Variants in CACNA1I observed in about 807,000 individuals in gnomAD.
The protein encoded by CACNA1I is voltage-dependent T-type calcium channel subunit alpha-1I.
In CACNA1I, 74 loss-of-function variants were observed where a neutral mutation model predicts 201.6. The observed-to-expected ratio is 0.37, with a 90% CI of 0.30 to 0.45. CACNA1I has a LOEUF of 0.45. CACNA1I is among the 20% of genes least tolerant of loss of function. CACNA1I has a pLI of 1.00. For synonymous variants in CACNA1I, 1,431 were observed against 1,345.2 expected (o/e 1.06, Z -1.40); for missense variants, 2,346 against 3,138.1 (o/e 0.75, Z 6.03).
rs540860704 is a variant in CACNA1I, at chr22:39,672,878, C to G, written c.4650-71C>G. 32 of 1,508,004 alleles carry G rather than the reference C, an allele frequency of 2.1e-5. No homozygotes were observed. In the Middle Eastern group the frequency reaches 7.1e-4, roughly 33 times the overall value. The allele number at this position is 1,508,004 out of a possible 1,614,324, so 93.4% of individuals were successfully genotyped here. A position where few individuals can be genotyped will look rare whatever the true frequency, so the allele number is the denominator to read the frequency against. On this transcript the variant is annotated intron_variant, in intron 27 of 36. Transcript: ENST00000402142. Reference sequence around the variant, plus strand: ...GGGTCAGGACCTGGGAGGCTCCCCCCACTAAGGTGTGTCTGAACCAGAGGG... The same window carrying G: ...GGGTCAGGACCTGGGAGGCTCCCCCGACTAAGGTGTGTCTGAACCAGAGGG...
At position 39,687,730 on chromosome 22, in the gene CACNA1I, GTTTGA is replaced by G; in HGVS notation, c.*1331_*1335del. ...TCCCAAACGGGTTCTAGACTTGGGT[GTTTGA>G]TTTGAAGAGTTACGCATTTATTTCA... On this transcript the variant is annotated 3_prime_UTR_variant, in exon 37 of 37. Coordinates refer to ENST00000402142, the MANE Select transcript of CACNA1I (RefSeq NM_021096.4). The G allele has an allele frequency of 6.6e-6, 1 of 152,334 alleles. No homozygotes were observed. Among genetic ancestry groups the G allele is most frequent in the East Asian group, 1.9e-4 (1 of 5,182 alleles). 9.4% of individuals were successfully genotyped at this position (152,334 alleles called of 1,614,324 possible). A position where few individuals can be genotyped will look rare whatever the true frequency, so the allele number is the denominator to read the frequency against.
chr22:39,580,897 A>T (rs1158659434), intron 1 of CACNA1I, among the ~76,000 whole-genome samples: 2 of 152,204 alleles, frequency 1.3e-5, no homozygotes, highest in Non-Finnish European at 2.9e-5. Flanking sequence ...GAGCCCAGCT[A>T]TGTGTTGGAC....
intron 7 of CACNA1I, among the ~76,000 whole-genome samples, chr22:39,643,199 C>T (rs1934393018): frequency 6.6e-6 from 1 of 152,206 alleles, no homozygotes; most frequent in Non-Finnish European, 1.5e-5. Flanking sequence ...CTTTGCATGA[C>T]CTGAGTCCAA....
chr22:39,575,629 C>T (rs1932318557), intron 1 of CACNA1I, among the ~76,000 whole-genome samples: 1 of 93,132 alleles, frequency 1.1e-5, no homozygotes, highest in Non-Finnish European at 2.1e-5. Context: ...TGCTAGTGGC[C>T]ATGCCCCCCA....
intron 3 of CACNA1I, among the ~76,000 whole-genome samples, chr22:39,617,288 C>T (rs1933567624): frequency 6.6e-6 from 1 of 152,164 alleles, no homozygotes; most frequent in Non-Finnish European, 1.5e-5. Context: ...CCTCTGGGCT[C>T]TGGGAAGGCA....
chr22:39,679,397 G>T lies in CACNA1I; in HGVS notation c.5346G>T (p.Gly1782=). 1 of 1,464,856 alleles carries T rather than the reference G, an allele frequency of 6.8e-7. No individual in the cohort carries two copies. The highest frequency in any genetic ancestry group is 8.9e-7 in the Non-Finnish European group (1 of 1,119,592). The allele number at this position is 1,464,856 out of a possible 1,614,324, so 90.7% of individuals were successfully genotyped here. A position where few individuals can be genotyped will look rare whatever the true frequency, so the allele number is the denominator to read the frequency against. Residue 1782 remains glycine (G), a synonymous_variant, in exon 32 of 37, where the codon GGG becomes GGT. Transcript: ENST00000402142. ...PGRGPGGAGG[G]GDTEGGLCRR... ...GAGGGCCGGGAGGGGCGGGCGGCGG[G>T]GGCGACACCGAGGGCGGCTTGTGCC...
rs1438319893 is a variant in CACNA1I at position 39,677,696 on chromosome 22, C to A, written c.4933+277C>A. Among the ~76,000 whole-genome samples the A allele has an allele frequency of 1.3e-5, 2 of 152,214 alleles. No homozygotes were observed. The highest frequency in any genetic ancestry group is 4.8e-5 in the African/African-American group (2 of 41,466). ...AGCGCTCGCTGAGCTCCGCCCTGCA[C>A]CGGGATGGCTCCAGAAAGCAGGGTT... is the stretch of plus-strand genomic sequence containing the variant. On this transcript the variant is annotated intron_variant, in intron 30 of 36. Coordinates refer to ENST00000402142, the MANE Select transcript of CACNA1I (RefSeq NM_021096.4). This position sits in a 1 kb window ranked among gnomAD's most constrained non-coding sequence, Gnocchi z 4.8.
chr22:39,637,248 C>T (rs999960125), intron 5 of CACNA1I, among the ~76,000 whole-genome samples: 6 of 152,144 alleles, frequency 3.9e-5, no homozygotes, highest in Admixed American at 1.3e-4. Flanking sequence ...AAGCCCAGAG[C>T]GGGTACAAGA....
chr22:39,659,907 C>T lies in CACNA1I; in HGVS notation c.2604+55C>T, dbSNP rs1424488386. On this transcript the variant is annotated intron_variant, in intron 14 of 36. Coordinates refer to ENST00000402142, the MANE Select transcript of CACNA1I (RefSeq NM_021096.4). The surrounding 1 kb of genome is among the most constrained non-coding windows in gnomAD (Gnocchi z 4.3). ...CCCACAGGGTCTGCGAAAGACTGGG[C>T]GAGGGAGAGGTGGCCTGGATGGGGG... 3.7e-6 allele frequency: 6 copies of T among 1,603,274 alleles called. No individual in the cohort carries two copies. Among genetic ancestry groups the T allele is most frequent in the Non-Finnish European group, 3.4e-6 (4 of 1,171,454 alleles).
At position 39,659,235 on chromosome 22, in the gene CACNA1I, C is replaced by T; in HGVS notation, c.2330+119C>T. The T allele has an allele frequency of 7.9e-7, 1 of 1,263,812 alleles. No individual in the cohort carries two copies. The highest frequency in any genetic ancestry group is 2.5e-5 in the East Asian group (1 of 39,994). 78.3% of individuals were successfully genotyped at this position (1,263,812 alleles called of 1,614,324 possible). ...AGCCACCTGGACCTGGGTGTGAAGC[C>T]TGACACTGTTCCTCAGTCCCCTGTG... is the stretch of plus-strand genomic sequence containing the variant. On this transcript the variant is annotated intron_variant, in intron 12 of 36. Coordinates refer to ENST00000402142, the MANE Select transcript of CACNA1I (RefSeq NM_021096.4). The surrounding 1 kb of genome is among the most constrained non-coding windows in gnomAD (Gnocchi z 4.3).
rs1377758585 is a variant in CACNA1I, at chr22:39,685,926, C to T, written c.6193C>T (p.Arg2065Cys). 6.9e-6 allele frequency: 9 copies of T among 1,312,678 alleles called. No individual in the cohort carries two copies. Among genetic ancestry groups the T allele is most frequent in the African/African-American group, 6.2e-5 (4 of 64,404 alleles). The allele number at this position is 1,312,678 out of a possible 1,614,324, so 81.3% of individuals were successfully genotyped here. A position where few individuals can be genotyped will look rare whatever the true frequency, so the allele number is the denominator to read the frequency against. The change falls in exon 37 of 37, where the codon CGC becomes TGC. Residue 2065 changes from arginine to cysteine, a missense_variant. Arg to Cys is a radical substitution (Grantham distance 180). Transcript: ENST00000402142. The surrounding 1 kb of genome is among the most constrained non-coding windows in gnomAD (Gnocchi z 5.0). The stretch of plus-strand genomic sequence containing the variant: ...GGCCGGCCTGTCCCCCGCCGCTCGC[C>T]GCCGCCTGAGCCTGCGCGGCCGGGG... ...PRAGLSPAAR[R>C]RLSLRGRGLF...
At chr22:39,637,911 T>G in intron 5 of CACNA1I, among the ~76,000 whole-genome samples, 1 of 152,150 alleles carries the variant, frequency 6.6e-6, no homozygotes, top group East Asian at 1.9e-4. Flanking sequence ...CAAATCTAGC[T>G]TTGTGTATGG....
intron 4 of CACNA1I, among the ~76,000 whole-genome samples, chr22:39,634,341 G>T (rs916614007): frequency 5.9e-5 from 9 of 152,196 alleles, no homozygotes; most frequent in Non-Finnish European, 1.5e-5. Context: ...ACAATCTAGT[G>T]TAAGTGGAGC....
At chr22:39,661,347 T>C (rs1318465568) in intron 16 of CACNA1I, 37 bp downstream of exon 16, 1 of 1,464,294 alleles carries the variant, frequency 6.8e-7, no homozygotes, top group Middle Eastern at 2.2e-4. Context: ...GGGCGCTTCC[T>C]GCTGGGGTGT....
In CACNA1I at chr22:39,666,028, C is replaced by G; in HGVS notation, c.4104+22C>G. 1 of 1,608,762 alleles carries G rather than the reference C, an allele frequency of 6.2e-7. No homozygotes were observed. Among genetic ancestry groups the G allele is most frequent in the Non-Finnish European group, 8.5e-7 (1 of 1,177,146 alleles). ...CCAGGTGAGCACCACCGTCCTAGCC[C>G]TGATCAGACCCTCCCCTCTCTTGGA... is the stretch of plus-strand genomic sequence containing the variant. On this transcript the variant is annotated intron_variant, in intron 23 of 36. Transcript: ENST00000402142. This position sits in a 1 kb window ranked among gnomAD's most constrained non-coding sequence, Gnocchi z 4.1.
intron 4 of CACNA1I, among the ~76,000 whole-genome samples, chr22:39,622,375 G>A (rs1933770452): frequency 1.3e-5 from 2 of 151,770 alleles, no homozygotes; most frequent in Non-Finnish European, 1.5e-5. Flanking sequence ...TTGAGTAGGT[G>A]GAGGGGGAGG....
intron 1 of CACNA1I, among the ~76,000 whole-genome samples, chr22:39,582,479 A>C (rs1436812767): frequency 3.3e-5 from 5 of 152,092 alleles, no homozygotes; most frequent in African/African-American, 1.2e-4. Context: ...AGCCCCAGTG[A>C]CAAAGAATTA....
chr22:39,668,281 A>G lies in CACNA1I; in HGVS notation c.4105-11A>G. 1.3e-6 allele frequency: 2 copies of G among 1,595,772 alleles called. No homozygotes were observed. Among genetic ancestry groups the G allele is most frequent in the Non-Finnish European group, 1.7e-6 (2 of 1,163,508 alleles). On this transcript the variant is annotated splice_polypyrimidine_tract_variant and intron_variant, in intron 23 of 36. Transcript: ENST00000402142. ...CCTCACCCCTGCATTCCGCCTCCCC[A>G]TGTCTCCCAGGCTCTGATGTCCCTC...
chr22:39,680,875 C>G, intron 33 of CACNA1I, 55 bp from the exon 34 acceptor site: 2 of 1,569,226 alleles, frequency 1.3e-6, no homozygotes, highest in Non-Finnish European at 1.7e-6. Flanking sequence ...GCCCCAGGAC[C>G]CAGGTCTGCC....
Sources: gnomAD v4.1 joint callset for allele counts (sites outside exome capture counted in the v4.1 genomes callset) on GRCh38, gnomAD v4.1.1 for gene constraint, Gnocchi (gnomAD v3.1) non-coding constraint, MANE v1.5 for transcripts, NCBI Gene and HGNC (gene_info 2026-07-23, HGNC 2026-07-21) for gene names.